Variants in GPM6A observed in about 807,000 individuals in gnomAD.
GPM6A encodes the protein neuronal membrane glycoprotein M6-a.
GPM6A carries 7 observed loss-of-function variants against 32.1 expected under a neutral mutation model. The ratio of observed to expected loss-of-function variants is 0.22; its 90% CI spans 0.12 to 0.41. GPM6A has a LOEUF of 0.41. GPM6A is among the 10% of genes least tolerant of loss of function. The pLI is 1.00. For missense variants in GPM6A, 235 were observed against 347.2 expected, an observed-to-expected ratio of 0.68 and a Z score of 2.57; for synonymous variants, 130 against 123.4, an observed-to-expected ratio of 1.05 and a Z score of -0.35.
chr4:175,921,914 T>A (rs1262958977), intron 1 of GPM6A, among the ~76,000 whole-genome samples: 1 of 152,180 alleles, frequency 6.6e-6, no homozygotes, highest in Admixed American at 6.5e-5. Flanking sequence ...TCTTCAGTAC[T>A]TCATTTCTCT....
chr4:175,945,348 G>A (rs1379977491), intron 1 of GPM6A, among the ~76,000 whole-genome samples: 2 of 152,076 alleles, frequency 1.3e-5, no homozygotes, highest in Non-Finnish European at 2.9e-5. Flanking sequence ...TTAATTTAGT[G>A]TTTCCATAGT....
chr4:175,750,094 T>G, intron 1 of GPM6A, among the ~76,000 whole-genome samples: 1 of 152,176 alleles, frequency 6.6e-6, no homozygotes, highest in Non-Finnish European at 1.5e-5. Context: ...AGTCTCACTT[T>G]GTTGCCTAGG....
chr4:175,893,009 T>C (rs1244906706), intron 1 of GPM6A, among the ~76,000 whole-genome samples: 1 of 152,200 alleles, frequency 6.6e-6, no homozygotes, highest in East Asian at 1.9e-4. Context: ...TTCTGCTCCC[T>C]TTGCTTGAAA....
chr4:175,962,295 G>T, intron 1 of GPM6A: 2 of 1,234,250 alleles, frequency 1.6e-6, no homozygotes, highest in Non-Finnish European at 2.4e-6. Flanking sequence ...GACACCAGAA[G>T]TAAAAGTGAG....
chr4:175,670,856 G>A (rs917303957), intron 3 of GPM6A, among the ~76,000 whole-genome samples: 2 of 138,020 alleles, frequency 1.4e-5, no homozygotes, highest in African/African-American at 5.1e-5. Context: ...ATACAATGTT[G>A]CTTCATTTTT....
At chr4:175,932,066 G>C (rs1332969067) in intron 1 of GPM6A, among the ~76,000 whole-genome samples, 1 of 146,998 alleles carries the variant, frequency 6.8e-6, no homozygotes, top group Admixed American at 6.9e-5. Context: ...CTGCACTCCA[G>C]CCTGCGAGCC....
intron 1 of GPM6A, among the ~76,000 whole-genome samples, chr4:175,936,890 C>A (rs6850233): frequency 0.055 from 8,395 of 151,866 alleles, 711 homozygotes; most frequent in African/African-American, 0.19. Context: ...ACAATATAAA[C>A]AAAGAAGTCA....
At chr4:175,694,469 T>G in intron 2 of GPM6A, among the ~76,000 whole-genome samples, 1 of 152,286 alleles carries the variant, frequency 6.6e-6, no homozygotes, top group Non-Finnish European at 1.5e-5. Flanking sequence ...AAGGTCACTT[T>G]TGTTATGCAT....
chr4:175,661,129 T>C (rs2110945918), intron 3 of GPM6A, among the ~76,000 whole-genome samples: 1 of 152,322 alleles, frequency 6.6e-6, no homozygotes, highest in Admixed American at 6.5e-5. Context: ...CTAAGTCAGA[T>C]GGAGAATTTA....
At chr4:175,682,709 T>A (rs1743754800) in intron 2 of GPM6A, among the ~76,000 whole-genome samples, 1 of 152,144 alleles carries the variant, frequency 6.6e-6, no homozygotes, top group Non-Finnish European at 1.5e-5. Flanking sequence ...GGCTGCTGCT[T>A]CAGAGGGTGC....
chr4:175,717,206 T>C (rs979535038), intron 1 of GPM6A, among the ~76,000 whole-genome samples: 7 of 152,158 alleles, frequency 4.6e-5, no homozygotes, highest in Non-Finnish European at 8.8e-5. Flanking sequence ...GCTCTTCCTG[T>C]TTCCTCTGCC....
chr4:175,655,861 G>A (rs1446512985), intron 3 of GPM6A, among the ~76,000 whole-genome samples: 2 of 152,144 alleles, frequency 1.3e-5, no homozygotes, highest in African/African-American at 2.4e-5. Flanking sequence ...ACAAGGGGAA[G>A]GTTCTATATA....
At chr4:175,729,123 C>T (rs1297820359) in intron 1 of GPM6A, among the ~76,000 whole-genome samples, 1 of 152,192 alleles carries the variant, frequency 6.6e-6, no homozygotes, top group Non-Finnish European at 1.5e-5. Flanking sequence ...TTTTCCTCAT[C>T]TATCAGATCT....
chr4:175,793,967 C>G (rs11932866), intron 1 of GPM6A, among the ~76,000 whole-genome samples: 8,642 of 151,698 alleles, frequency 0.057, 788 homozygotes, highest in African/African-American at 0.2. Context: ...TACTTTTTAA[C>G]CTTTGTCAAT....
At chr4:175,875,761 A>T (rs1349402511) in intron 1 of GPM6A, among the ~76,000 whole-genome samples, 2 of 152,168 alleles carry the variant, frequency 1.3e-5, no homozygotes. Flanking sequence ...AAAATACAGA[A>T]GATCATTCTA....
intron 1 of GPM6A, among the ~76,000 whole-genome samples, chr4:175,895,377 A>G (rs1485519174): frequency 6.6e-6 from 1 of 152,206 alleles, no homozygotes; most frequent in East Asian, 1.9e-4. Flanking sequence ...ATACTGATAT[A>G]AACAATGCAT....
At chr4:175,652,981 A>G (rs1282548169) in intron 3 of GPM6A, among the ~76,000 whole-genome samples, 3 of 152,258 alleles carry the variant, frequency 2.0e-5, no homozygotes, top group East Asian at 3.9e-4. Flanking sequence ...TCAAAATAGC[A>G]GTACAGCATA....
At chr4:175,938,360 C>T (rs950459713) in intron 1 of GPM6A, among the ~76,000 whole-genome samples, 8 of 152,196 alleles carry the variant, frequency 5.3e-5, no homozygotes, top group Non-Finnish European at 8.8e-5. Context: ...ATTAATTACA[C>T]TCCCACCAAC....
chr4:175,662,347 C>G (rs2110949530), intron 3 of GPM6A, among the ~76,000 whole-genome samples: 1 of 152,206 alleles, frequency 6.6e-6, no homozygotes, highest in South Asian at 2.1e-4. Context: ...CACCTGTAAT[C>G]CCGGCACTTT....
Sources: allele counts gnomAD v4.1 joint callset (sites outside exome capture counted in the v4.1 genomes callset), GRCh38; gene constraint gnomAD v4.1.1; transcripts MANE v1.5; gene names NCBI Gene and HGNC (gene_info 2026-07-23, HGNC 2026-07-21).